MAP4K1: variants seen among roughly 807,000 people sequenced by gnomAD.
MAP4K1 encodes MAPK/ERK kinase kinase kinase 1.
In MAP4K1, 35 loss-of-function variants were observed where a neutral mutation model predicts 122.8. The ratio of observed to expected loss-of-function variants is 0.29; its 90% CI spans 0.22 to 0.38. The LOEUF is 0.38. Ranked by LOEUF, MAP4K1 falls within the 10% of genes least tolerant of loss-of-function variation. The pLI, the probability that MAP4K1 is intolerant of heterozygous loss-of-function variation, is 1.00. For missense variants in MAP4K1, 791 were observed against 1,072.6 expected (o/e 0.74, Z 3.67); for synonymous variants, 412 against 421.3 (o/e 0.98, Z 0.27).
chr19:38,603,816 T>G (rs1327354444), intron 19 of MAP4K1, among the ~76,000 whole-genome samples: 1 of 152,058 alleles, frequency 6.6e-6, no homozygotes, highest in Non-Finnish European at 1.5e-5. Context: ...AAACTCCGTC[T>G]CTACTAAAAA....
chr19:38,613,937 G>A lies in MAP4K1; in HGVS notation c.476C>T (p.Ser159Leu). 6.2e-7 allele frequency: 1 copy of A among 1,613,960 alleles called. No individual in the cohort carries two copies. The highest frequency in any genetic ancestry group is 8.5e-7 in the Non-Finnish European group (1 of 1,179,976). ...GGCCAGTGTAGCCCCAATCTGGGCC[G>A]AGATGCCAAAGTCAGCTGGAAGCAG... is the stretch of plus-strand genomic sequence containing the variant. ...GEVRLADFGI[S>L]AQIGATLARR... Residue 159 changes from serine (S) to leucine (L), a missense_variant, in exon 8 of 31, where the codon TCG (serine) becomes TTG (leucine). Transcript: ENST00000396857.
Position 38,614,094 on chromosome 19 carries a change from G to A in MAP4K1, c.418-9C>T, listed in dbSNP as rs142875472. On this transcript the variant is annotated splice_polypyrimidine_tract_variant and intron_variant, in intron 6 of 30. Transcript: ENST00000396857. The stretch of plus-strand genomic sequence containing the variant: ...ATGAGGATGTTAGCTCCCTGGGAAT[G>A]AGAGGGGATATGGGAGGCTGCAGAG... 2,162 of 1,613,366 alleles carry A rather than the reference G, an allele frequency of 1.3e-3. 9 individuals carry two copies. In the African/African-American group the frequency reaches 0.016, roughly 12 times the overall value.
intron 4 of MAP4K1, 61 bp from the exon 5 acceptor site, chr19:38,614,506 G>C: frequency 6.3e-7 from 1 of 1,580,020 alleles, no homozygotes; most frequent in Non-Finnish European, 8.7e-7. Flanking sequence ...CTGGGCTGGG[G>C]AGTCCTGCCC....
At position 38,608,007 on chromosome 19, in the gene MAP4K1, G is replaced by A. The variant is rs1213107620; in HGVS notation, c.1092C>T (p.Leu364=). The A allele has an allele frequency of 1.9e-6, 3 of 1,610,468 alleles. No homozygotes were observed. Among genetic ancestry groups the A allele is most frequent in the African/African-American group, 2.7e-5 (2 of 74,818 alleles). The change falls in exon 15 of 31, where the codon CTC becomes CTT. Residue 364 remains leucine (L), a synonymous_variant. Coordinates refer to ENST00000396857, the MANE Select transcript of MAP4K1 (RefSeq NM_001042600.3). ...TCCCTGACCTGGGGCTGCTGCTCCTGAGGTCTCGAGGAGGCTGTAGGCGAG... is the reference window on the plus strand; with the variant it reads ...TCCCTGACCTGGGGCTGCTGCTCCTAAGGTCTCGAGGAGGCTGTAGGCGAG... ...NTARLQPPRD[L]RSSSPRKQLS... is the part of the protein sequence containing the mutation.
At chr19:38,600,878 T>C (rs1975041085) in intron 20 of MAP4K1, among the ~76,000 whole-genome samples, 1 of 147,446 alleles carries the variant, frequency 6.8e-6, no homozygotes, top group African/African-American at 2.5e-5. Context: ...TGATCTCAGC[T>C]CACTGCAACT....
At chr19:38,602,849 C>T (rs1474623802) in intron 19 of MAP4K1, among the ~76,000 whole-genome samples, 1 of 147,542 alleles carries the variant, frequency 6.8e-6, no homozygotes, top group Non-Finnish European at 1.5e-5. Context: ...TACATATATA[C>T]ACATATACAT....
chr19:38,611,106 TTGA>T lies in MAP4K1; in HGVS notation c.752_754del (p.Ile251del). 6.2e-7 allele frequency: 1 copy of T among 1,613,394 alleles called. No individual in the cohort carries two copies. On this transcript the variant is annotated inframe_deletion, in exon 11 of 31. Coordinates refer to ENST00000396857, the MANE Select transcript of MAP4K1 (RefSeq NM_001042600.3). ...CTTGGGACTCTTAGTCAGAGTGACT[TTGA>T]TGAAGTTGTGGAAGGCAGCCGACCT...
intron 4 of MAP4K1, among the ~76,000 whole-genome samples, chr19:38,615,216 AG>A (rs1372003963): frequency 7.2e-6 from 1 of 138,504 alleles, no homozygotes; most frequent in African/African-American, 2.7e-5. Context: ...AAAGCAGCAA[AG>A]GGGGTGGGGT....
chr19:38,608,226 A>G, intron 13 of MAP4K1, 56 bp from the exon 14 acceptor site: 1 of 844,324 alleles, frequency 1.2e-6, no homozygotes, highest in Non-Finnish European at 1.8e-6. Flanking sequence ...GGGTAACGAG[A>G]TGGGTTTAAG....
chr19:38,597,520 T>A lies in MAP4K1; in HGVS notation c.1744A>T (p.Ile582Phe). 2 of 1,613,904 alleles carry A rather than the reference T, an allele frequency of 1.2e-6. No homozygotes were observed. The highest frequency in any genetic ancestry group is 1.7e-6 in the Non-Finnish European group (2 of 1,179,960). The change falls in exon 23 of 31, where the codon ATC (isoleucine) becomes TTC (phenylalanine). Residue 582 changes from isoleucine to phenylalanine, a missense_variant. By Grantham distance (21) the Ile-to-Phe change is conservative. This residue lies in a region of MAP4K1 where 267 missense variants were observed against 323.0 expected (regional missense o/e 0.83). Coordinates refer to ENST00000396857, the MANE Select transcript of MAP4K1 (RefSeq NM_001042600.3). This position sits in a 1 kb window ranked among gnomAD's most constrained non-coding sequence, Gnocchi z 4.6. ...AGGCGGTGGGGGCTAATGTGAGCGA[T>A]GGGGTTTCCTGCTCTGGTCTCTTTC... ...ERKETRAGNP[I>F]AHISPHRLLA...
At chr19:38,616,062 A>C in intron 4 of MAP4K1, 133 bp downstream of exon 4, 1 of 595,402 alleles carries the variant, frequency 1.7e-6, no homozygotes. Flanking sequence ...AGCTCAGCCC[A>C]GGAGTTTGAA....
chr19:38,609,108 C>T (rs1396094159), intron 13 of MAP4K1, among the ~76,000 whole-genome samples: 1 of 152,074 alleles, frequency 6.6e-6, no homozygotes, highest in Non-Finnish European at 1.5e-5. Context: ...CCTGGGAACT[C>T]TATGGTCATT....
rs1975295731 is a variant in MAP4K1, at chr19:38,605,456, C to A, written c.1399G>T (p.Asp467Tyr). 1.9e-6 allele frequency: 3 copies of A among 1,599,756 alleles called. No homozygotes were observed. Among genetic ancestry groups the A allele is most frequent in the Non-Finnish European group, 2.6e-6 (3 of 1,174,560 alleles). Reference sequence around the variant, plus strand: ...TTGGGGGGCAGAAGTGGGGGCTTGTCAAGCTCCCGGGAGGGTGGGTTCCAG... The same window carrying A: ...TTGGGGGGCAGAAGTGGGGGCTTGTAAAGCTCCCGGGAGGGTGGGTTCCAG... ...SLWNPPSREL[D>Y]KPPLLPPKKE... The change falls in exon 19 of 31, where the codon GAC (aspartate) becomes TAC (tyrosine). Residue 467 changes from aspartate to tyrosine, a missense_variant. By Grantham distance (160) the Asp-to-Tyr change is radical. Transcript: ENST00000396857.
rs777534617 is a variant in MAP4K1, at chr19:38,597,587, G to A, written c.1677C>T (p.Thr559=). The A allele has an allele frequency of 3.7e-5, 60 of 1,610,192 alleles. No homozygotes were observed. Among genetic ancestry groups the A allele is most frequent in the Non-Finnish European group, 3.5e-5 (41 of 1,178,180 alleles). Residue 559 remains threonine, a synonymous_variant, in exon 23 of 31, where the codon ACC becomes ACT. Coordinates refer to ENST00000396857, the MANE Select transcript of MAP4K1 (RefSeq NM_001042600.3). This position sits in a 1 kb window ranked among gnomAD's most constrained non-coding sequence, Gnocchi z 4.6. ...NNVLMSLSGK[T]PHLYSHSILG... The stretch of plus-strand genomic sequence containing the variant: ...GGATGCTATGAGAATACAGGTGGGG[G>A]GTCTTTCCTGCAGGGTGTGTGTATG...
intron 26 of MAP4K1, 77 bp from the exon 27 acceptor site, chr19:38,596,078 C>T: frequency 6.7e-7 from 1 of 1,481,706 alleles, no homozygotes; most frequent in Non-Finnish European, 9.4e-7. Flanking sequence ...AGGCCAGTAC[C>T]TGTGCTTTAG....
At chr19:38,601,138 G>A (rs1338482985) in intron 20 of MAP4K1, among the ~76,000 whole-genome samples, 3 of 151,392 alleles carry the variant, frequency 2.0e-5, no homozygotes, top group Non-Finnish European at 2.9e-5. Flanking sequence ...TAGTAGAGAC[G>A]GGGTTTCACC....
chr19:38,606,780 T>C (rs2144729246), intron 16 of MAP4K1, among the ~76,000 whole-genome samples: 1 of 152,322 alleles, frequency 6.6e-6, no homozygotes, highest in South Asian at 2.1e-4. Context: ...GCACCACGGC[T>C]TTGCACCTTT....
chr19:38,593,599 A>C (rs1974790559), intron 29 of MAP4K1, among the ~76,000 whole-genome samples: 1 of 152,224 alleles, frequency 6.6e-6, no homozygotes, highest in Non-Finnish European at 1.5e-5. Flanking sequence ...GCTACTCAGG[A>C]TCTGAGGCAG....
intron 30 of MAP4K1, among the ~76,000 whole-genome samples, chr19:38,590,475 G>T (rs866642023): frequency 4.7e-5 from 6 of 128,982 alleles, no homozygotes; most frequent in East Asian, 4.6e-4. Context: ...GAAATTTTTT[G>T]TTGTTGTTGT....
Sources: allele counts gnomAD v4.1 joint callset (sites outside exome capture counted in the v4.1 genomes callset), GRCh38; gene constraint gnomAD v4.1.1; regional missense constraint gnomAD v4.1.1; non-coding constraint Gnocchi (gnomAD v3.1); transcripts MANE v1.5; gene names NCBI Gene and HGNC (gene_info 2026-07-23, HGNC 2026-07-21).